RBFOX1: variants seen among roughly 807,000 people sequenced by gnomAD.
RBFOX1 encodes the protein RNA binding protein fox-1 homolog 1.
Under a neutral mutation model 57.7 loss-of-function variants are expected in RBFOX1, and 8 were observed. The observed-to-expected ratio is 0.14, with a 90% confidence interval of 0.08 to 0.25. RBFOX1 has a LOEUF of 0.25. RBFOX1 is among the 10% of genes least tolerant of loss of function. The pLI, the probability that RBFOX1 is intolerant of heterozygous loss-of-function variation, is 1.00. For synonymous variants in RBFOX1, 326 were observed against 222.4 expected (o/e 1.47, Z -4.15); for missense variants, 611 against 548.5 (o/e 1.11, Z -1.14).
At chr16:5,269,686 G>C (rs2062956479) in intron 1 of RBFOX1, among the ~76,000 whole-genome samples, 1 of 152,220 alleles carries the variant, frequency 6.6e-6, no homozygotes, top group Admixed American at 6.5e-5. Flanking sequence ...GGCATGGGAG[G>C]ATAGGGGGTG....
chr16:5,670,989 A>G (rs1247189504), intron 3 of RBFOX1, among the ~76,000 whole-genome samples: 3 of 152,214 alleles, frequency 2.0e-5, no homozygotes, highest in Non-Finnish European at 2.9e-5. Context: ...CAGAATTCAG[A>G]CTCAGAGCCC....
At chr16:6,952,987 A>T (rs28715661) in intron 3 of RBFOX1, among the ~76,000 whole-genome samples, 21,996 of 152,068 alleles carry the variant, frequency 0.14, 1,946 homozygotes, top group Non-Finnish European at 0.19. Context: ...AGAAAAAAAA[A>T]TTGTCATTGT....
intron 2 of RBFOX1, among the ~76,000 whole-genome samples, chr16:6,551,869 T>G (rs1370570802): frequency 6.6e-6 from 1 of 152,210 alleles, no homozygotes; most frequent in Non-Finnish European, 1.5e-5. Context: ...CGTTGGTCAT[T>G]TCAGAGTGGG....
intron 3 of RBFOX1, among the ~76,000 whole-genome samples, chr16:6,679,755 G>T (rs1205097788): frequency 6.6e-6 from 1 of 151,990 alleles, no homozygotes; most frequent in Non-Finnish European, 1.5e-5. Context: ...TGTGGTATTT[G>T]TGCATGTAAC....
chr16:5,265,442 G>T (rs963436957), intron 1 of RBFOX1, among the ~76,000 whole-genome samples: 23 of 152,264 alleles, frequency 1.5e-4, no homozygotes, highest in Admixed American at 1.5e-3. Flanking sequence ...CTTTTGCTTT[G>T]TTGTCCCCCA....
intron 4 of RBFOX1, among the ~76,000 whole-genome samples, chr16:7,301,319 C>T (rs550942413): frequency 1.1e-3 from 167 of 152,298 alleles, no homozygotes; most frequent in African/African-American, 3.7e-3. Flanking sequence ...TGTTTGCATG[C>T]ACTGGTGGAG....
At chr16:5,391,733 G>C (rs1032306679) in intron 1 of RBFOX1, among the ~76,000 whole-genome samples, 1 of 151,868 alleles carries the variant, frequency 6.6e-6, no homozygotes, top group Non-Finnish European at 1.5e-5. Context: ...TTCTGTATGT[G>C]TCTGTTTTCA....
chr16:6,409,133 CT>C (rs2093377411), intron 2 of RBFOX1, among the ~76,000 whole-genome samples: 1 of 152,174 alleles, frequency 6.6e-6, no homozygotes. Flanking sequence ...TAAAAGTTTA[CT>C]GTCTGGACGT....
chr16:7,581,349 G>T (rs1487559965), intron 6 of RBFOX1, among the ~76,000 whole-genome samples: 1 of 152,202 alleles, frequency 6.6e-6, no homozygotes, highest in Non-Finnish European at 1.5e-5. Context: ...AAGTGTGTGT[G>T]AGGCAGTAAG....
At chr16:5,265,940 T>A (rs1403999751) in intron 1 of RBFOX1, among the ~76,000 whole-genome samples, 1 of 151,906 alleles carries the variant, frequency 6.6e-6, no homozygotes, top group African/African-American at 2.4e-5. Context: ...TTTGTGGGGA[T>A]CTCCGGGTCT....
chr16:5,417,908 G>A lies in RBFOX1; in HGVS notation c.220-49308G>A, dbSNP rs544233661. Among the ~76,000 whole-genome samples the A allele has an allele frequency of 7.9e-5, 12 of 152,114 alleles. No homozygotes were observed. In the South Asian group the frequency reaches 1.5e-3, roughly 18 times the overall value. ...TCATCCTGGCGAACATAGTGGAACC[G>A]CATCTCTACTAAAAATACAAAAATT... On this transcript the variant is annotated intron_variant, in intron 1 of 2. Coordinates refer to the RBFOX1 transcript ENST00000585867.
At chr16:7,193,056 T>C (rs1037549067) in intron 4 of RBFOX1, among the ~76,000 whole-genome samples, 4 of 152,218 alleles carry the variant, frequency 2.6e-5, no homozygotes, top group South Asian at 2.1e-4. Context: ...CCTGTGAGCA[T>C]GTTGGGTTAC....
intron 1 of RBFOX1, chr16:6,037,153 A>G (rs189485012): frequency 1.3e-5 from 2 of 152,316 alleles, no homozygotes; most frequent in African/African-American, 4.8e-5. Flanking sequence ...TTAAAGTCCA[A>G]TTATTTAGAA....
At chr16:7,315,682 A>G (rs1323882708) in intron 4 of RBFOX1, among the ~76,000 whole-genome samples, 2 of 151,910 alleles carry the variant, frequency 1.3e-5, no homozygotes, top group African/African-American at 2.4e-5. Context: ...CATTACACAC[A>G]CTTTTCATCA....
At chr16:7,490,042 T>G (rs1038832117) in intron 4 of RBFOX1, among the ~76,000 whole-genome samples, 2 of 152,166 alleles carry the variant, frequency 1.3e-5, no homozygotes, top group Non-Finnish European at 2.9e-5. Flanking sequence ...TCCCCATGTT[T>G]CTCTGTGATT....
intron 1 of RBFOX1, among the ~76,000 whole-genome samples, chr16:5,299,609 A>G (rs984340803): frequency 6.6e-6 from 1 of 152,154 alleles, no homozygotes; most frequent in Non-Finnish European, 1.5e-5. Context: ...ATTATTTTTG[A>G]TTACAGCCAT....
chr16:6,858,179 C>A (rs1392103686), intron 3 of RBFOX1, among the ~76,000 whole-genome samples: 1 of 152,156 alleles, frequency 6.6e-6, no homozygotes, highest in Admixed American at 6.5e-5. Flanking sequence ...AAATAGCTCA[C>A]TCATAAGTGT....
chr16:6,866,020 C>T lies in RBFOX1; in HGVS notation c.-15-186037C>T, dbSNP rs1005489238. Among the ~76,000 whole-genome samples the T allele has an allele frequency of 2.6e-4, 39 of 151,856 alleles. 2 individuals are homozygous for T. On this transcript the variant is annotated intron_variant, in intron 3 of 15. Coordinates refer to ENST00000550418, the MANE Select transcript of RBFOX1 (RefSeq NM_018723.4). ...AAAAAGAGGGAGTAATATTGGCTAG[C>T]ACATCTTTGAATGCATCTGGAAAGA...
chr16:6,607,518 C>G (rs1567860395), intron 2 of RBFOX1, among the ~76,000 whole-genome samples: 1 of 148,426 alleles, frequency 6.7e-6, no homozygotes, highest in Non-Finnish European at 1.5e-5. Flanking sequence ...TCTTCTCTCT[C>G]CTATCTATCT....
Sources: allele counts gnomAD v4.1 joint callset (sites outside exome capture counted in the v4.1 genomes callset), GRCh38; gene constraint gnomAD v4.1.1; transcripts MANE v1.5; gene names NCBI Gene and HGNC (gene_info 2026-07-23, HGNC 2026-07-21).